STRN3: variants seen among roughly 807,000 people sequenced by gnomAD.
STRN3 encodes striatin 3.
Under a neutral mutation model 95.6 loss-of-function variants are expected in STRN3, and 29 were observed. The observed-to-expected ratio is 0.30, with a 90% CI of 0.23 to 0.41. STRN3 has a LOEUF of 0.41. Ranked by LOEUF, STRN3 falls within the 10% of genes least tolerant of loss-of-function variation. The pLI is 1.00. For missense variants in STRN3, 890 were observed against 972.1 expected (o/e 0.92, Z 1.12); for synonymous variants, 331 against 357.6 (o/e 0.93, Z 0.84).
chr14:30,943,957 T>C (rs968162234), intron 5 of STRN3, among the ~76,000 whole-genome samples: 2 of 152,066 alleles, frequency 1.3e-5, no homozygotes, highest in Non-Finnish European at 2.9e-5. Flanking sequence ...AGTTGGAACT[T>C]TGTGCTTCTG....
intron 8 of STRN3, among the ~76,000 whole-genome samples, chr14:30,920,666 T>C (rs1225826559): frequency 6.6e-6 from 1 of 152,196 alleles, no homozygotes; most frequent in Non-Finnish European, 1.5e-5. Flanking sequence ...AATCAAGGCT[T>C]TCAATCTTAT....
In STRN3 at chr14:30,902,188, AAAAAAAAAAAAAAAAAAAAAT is replaced by A. The variant is rs1205875718; in HGVS notation, c.2137+327_2137+347del. ...CTCCGCCTCAAAAAAAAAAAAAAAA[AAAAAAAAAAAAAAAAAAAAAT>A]GGAAATGCCAAACACCAGAAAGAGA... On this transcript the variant is annotated intron_variant, in intron 16 of 17. Transcript: ENST00000357479. 2.3e-4 allele frequency among the ~76,000 whole-genome samples: 32 copies of A among 139,634 alleles called. 1 individual carries two copies. The highest frequency in any genetic ancestry group is 3.6e-4 in the Non-Finnish European group (23 of 64,234). The allele number at this position is 139,634 out of a possible 152,430, so 91.6% of individuals were successfully genotyped here. A position where few individuals can be genotyped will look rare whatever the true frequency, so the allele number is the denominator to read the frequency against.
At position 30,936,766 on chromosome 14, in the gene STRN3, G is replaced by T. The variant is rs1252843544; in HGVS notation, c.717-142C>A. 8.6e-6 allele frequency: 9 copies of T among 1,046,594 alleles called. No homozygotes were observed. The East Asian group carries it at 2.5e-4, about 29-fold the overall frequency. 64.8% of individuals were successfully genotyped at this position (1,046,594 alleles called of 1,614,324 possible). On this transcript the variant is annotated intron_variant, in intron 5 of 17. Transcript: ENST00000357479. ...TGTCTGAGGGCTTTATTCAAGAAAA[G>T]AAGTTTGAAAGATTTATGTTCTACA...
chr14:31,020,874 C>A (rs1883473345), intron 1 of STRN3, among the ~76,000 whole-genome samples: 1 of 152,122 alleles, frequency 6.6e-6, no homozygotes, highest in Non-Finnish European at 1.5e-5. Flanking sequence ...CCACTGCACT[C>A]CAGCCTCGGC....
At chr14:30,973,437 A>G (rs983722473) in intron 1 of STRN3, among the ~76,000 whole-genome samples, 11 of 152,226 alleles carry the variant, frequency 7.2e-5, no homozygotes, top group Admixed American at 5.9e-4. Flanking sequence ...TCAAATTACT[A>G]AAATCAGATA....
chr14:31,010,278 G>A (rs371427687), intron 1 of STRN3, among the ~76,000 whole-genome samples: 1 of 151,362 alleles, frequency 6.6e-6, no homozygotes, highest in Non-Finnish European at 1.5e-5. Flanking sequence ...TGTGCACAAT[G>A]TGCAGGTTAG....
chr14:30,927,649 G>A (rs1038289064), intron 8 of STRN3, among the ~76,000 whole-genome samples: 3 of 151,506 alleles, frequency 2.0e-5, no homozygotes, highest in African/African-American at 7.3e-5. Flanking sequence ...CCCTAGGCCA[G>A]GCATAGTGGC....
chr14:31,013,857 A>C (rs1230094943), intron 1 of STRN3, among the ~76,000 whole-genome samples: 2 of 135,340 alleles, frequency 1.5e-5, no homozygotes, highest in Non-Finnish European at 3.2e-5. Context: ...GGCTTCTCAA[A>C]GCAATTTTAT....
chr14:30,911,194 T>C, intron 12 of STRN3, 32 bp from the exon 13 acceptor site: 10 of 1,588,060 alleles, frequency 6.3e-6, no homozygotes, highest in Non-Finnish European at 7.7e-6. Flanking sequence ...AACAAATTAC[T>C]GATAAATTCT....
rs561435919 is a variant in STRN3, at chr14:30,991,769, G to A, written c.282+34135C>T. Among the ~76,000 whole-genome samples the A allele has an allele frequency of 1.6e-4, 24 of 152,120 alleles. No homozygotes were observed. In the East Asian group the frequency reaches 4.4e-3, roughly 28 times the overall value. On this transcript the variant is annotated intron_variant, in intron 1 of 17. Coordinates refer to ENST00000357479, the MANE Select transcript of STRN3 (RefSeq NM_001083893.2). ...GAAGAGACGGAACATAAAACCGAAA[G>A]GTTAGAAGAAGCCATATTATAAAAG...
intron 6 of STRN3, 29 bp downstream of exon 6, chr14:30,936,466 C>A (rs532470763): frequency 1.9e-6 from 3 of 1,600,690 alleles, no homozygotes; most frequent in Admixed American, 3.5e-5. Flanking sequence ...GAATATATAG[C>A]TAATAAGAAT....
intron 1 of STRN3, among the ~76,000 whole-genome samples, chr14:31,007,353 G>C (rs1882765936): frequency 6.6e-6 from 1 of 152,112 alleles, no homozygotes; most frequent in Non-Finnish European, 1.5e-5. Flanking sequence ...TGATGTGCTT[G>C]GGAGTCTTTA....
rs905603102 is a variant in STRN3 at position 31,026,171 on chromosome 14, G to A, written c.15C>T (p.Ala5=). The part of the protein sequence containing the change: MDEL[A]GGGGGGPGMA... Reference sequence around the variant, plus strand: ...TCCCCGGGCCGCCACCACCGCCTCCGGCAAGCTCGTCCATTGTGTGTGGGG... The same window carrying A: ...TCCCCGGGCCGCCACCACCGCCTCCAGCAAGCTCGTCCATTGTGTGTGGGG... The change falls in exon 1 of 18, where the codon GCC becomes GCT. Residue 5 remains alanine (A), a synonymous_variant. Transcript: ENST00000357479. 23 of 1,482,800 alleles carry A rather than the reference G, an allele frequency of 1.6e-5. No homozygotes were observed. Among genetic ancestry groups the A allele is most frequent in the East Asian group, 5.7e-5 (2 of 35,284 alleles). The allele number at this position is 1,482,800 out of a possible 1,614,324, so 91.9% of individuals were successfully genotyped here.
chr14:30,963,928 G>T (rs775087100), intron 1 of STRN3, among the ~76,000 whole-genome samples: 1 of 152,124 alleles, frequency 6.6e-6, no homozygotes, highest in Non-Finnish European at 1.5e-5. Flanking sequence ...GCGCAGGGGG[G>T]AATTTATAGA....
intron 1 of STRN3, among the ~76,000 whole-genome samples, chr14:30,968,230 A>G (rs898676503): frequency 6.6e-6 from 1 of 151,892 alleles, no homozygotes; most frequent in African/African-American, 2.4e-5. Flanking sequence ...TTATGGCCTT[A>G]GACAGTCTAG....
intron 1 of STRN3, chr14:31,018,691 G>T: frequency 2.2e-6 from 1 of 459,578 alleles, no homozygotes; most frequent in Non-Finnish European, 4.3e-6. Context: ...GTTTAATTGA[G>T]CTTGTTGATA....
At chr14:30,977,166 C>T (rs1881147779) in intron 1 of STRN3, among the ~76,000 whole-genome samples, 1 of 152,040 alleles carries the variant, frequency 6.6e-6, no homozygotes, top group Admixed American at 6.6e-5. Context: ...GCAGAGGCTG[C>T]AGTGAGCAGA....
intron 1 of STRN3, among the ~76,000 whole-genome samples, chr14:31,019,886 C>CTTTTTTTTTTTTTTT (rs67956918): frequency 7.0e-6 from 1 of 143,048 alleles, no homozygotes; most frequent in Non-Finnish European, 1.5e-5. Context: ...CACTCATTTT[C>CTTTTTTTTTTTTTTT]TTTTTTTTTT....
chr14:30,896,365 G>A (rs942161408), intron 16 of STRN3, among the ~76,000 whole-genome samples: 4 of 152,150 alleles, frequency 2.6e-5, no homozygotes, highest in Non-Finnish European at 4.4e-5. Flanking sequence ...GTGTGGTGAG[G>A]TGTGCCTGTA....
Sources: gnomAD v4.1 joint callset for allele counts (sites outside exome capture counted in the v4.1 genomes callset) on GRCh38, gnomAD v4.1.1 for gene constraint, MANE v1.5 for transcripts, NCBI Gene and HGNC (gene_info 2026-07-23, HGNC 2026-07-21) for gene names.